KDM4B: variants seen among roughly 807,000 people sequenced by gnomAD.
KDM4B encodes the protein lysine-specific demethylase 4B.
KDM4B carries 32 observed loss-of-function variants against 125.2 expected under a neutral mutation model. The ratio of observed to expected loss-of-function variants is 0.26; its 90% CI spans 0.19 to 0.34. The LOEUF is 0.34. Among genes scored for constraint, KDM4B ranks in the 10% least tolerant of loss-of-function variants. KDM4B has a pLI of 1.00. For synonymous variants in KDM4B, 721 were observed against 677.9 expected (o/e 1.06, Z -0.99); for missense variants, 1,190 against 1,577.7 (o/e 0.75, Z 4.16).
At chr19:4,983,002 T>TGAA (rs2034698353) in intron 1 of KDM4B, among the ~76,000 whole-genome samples, 1 of 152,136 alleles carries the variant, frequency 6.6e-6, no homozygotes, top group Non-Finnish European at 1.5e-5. Flanking sequence ...AGTTAAAAGG[T>TGAA]GAAGAGAAAT....
In KDM4B at chr19:5,041,230, C is replaced by T. The variant is rs745823930; in HGVS notation, c.411C>T (p.Ile137=). The part of the protein sequence containing the change: ...TFVSPIYGAD[I]SGSLYDDDVA... ...TCTCCCCGATCTACGGGGCTGACAT[C>T]AGCGGCTCTTTGTATGATGACGTAA... The change falls in exon 5 of 23, where the codon ATC becomes ATT. Residue 137 remains isoleucine, a synonymous_variant. Transcript: ENST00000159111. The T allele has an allele frequency of 1.2e-6, 2 of 1,612,796 alleles. No homozygotes were observed. The highest frequency in any genetic ancestry group is 2.2e-5 in the East Asian group (1 of 44,844).
At chr19:5,024,567 C>T (rs1412658787) in intron 2 of KDM4B, among the ~76,000 whole-genome samples, 1 of 152,026 alleles carries the variant, frequency 6.6e-6, no homozygotes, top group Admixed American at 6.6e-5. Context: ...GCTGCTGGTC[C>T]CATGTCATGG....
intron 1 of KDM4B, among the ~76,000 whole-genome samples, chr19:5,011,819 T>C (rs1041916166): frequency 2.0e-5 from 3 of 152,082 alleles, no homozygotes; most frequent in African/African-American, 7.2e-5. Context: ...GTACCTCCTT[T>C]TGGGGGGTTC....
intron 9 of KDM4B, among the ~76,000 whole-genome samples, chr19:5,086,458 C>T (rs2038500794): frequency 6.6e-6 from 1 of 152,216 alleles, no homozygotes; most frequent in Non-Finnish European, 1.5e-5. Context: ...ATCTCACCCA[C>T]AAATGAGCAG....
At chr19:5,058,705 G>GACCAA (rs2037487453) in intron 6 of KDM4B, among the ~76,000 whole-genome samples, 1 of 152,234 alleles carries the variant, frequency 6.6e-6, no homozygotes, top group Non-Finnish European at 1.5e-5. Flanking sequence ...GGCTTGGTCT[G>GACCAA]GCAGGAGCAG....
At chr19:5,126,543 G>T (rs2620845) in intron 11 of KDM4B, among the ~76,000 whole-genome samples, 1 of 152,180 alleles carries the variant, frequency 6.6e-6, no homozygotes, top group African/African-American at 2.4e-5. Context: ...GCGGTGAGTG[G>T]GGCAGCCAGC....
At chr19:5,061,278 AG>A (rs2037588680) in intron 6 of KDM4B, among the ~76,000 whole-genome samples, 1 of 152,220 alleles carries the variant, frequency 6.6e-6, no homozygotes. Context: ...CGAGGCTCCC[AG>A]GACTCTGCTG....
At chr19:5,020,622 G>A (rs566623402) in intron 2 of KDM4B, among the ~76,000 whole-genome samples, 3 of 152,308 alleles carry the variant, frequency 2.0e-5, no homozygotes, top group South Asian at 2.1e-4. Context: ...GGCGCTGGGG[G>A]AAGGGGGTCC....
intron 5 of KDM4B, 101 bp from the exon 6 acceptor site, chr19:5,047,375 C>G (rs1242642356): frequency 5.3e-6 from 6 of 1,122,324 alleles, no homozygotes; most frequent in Non-Finnish European, 7.6e-6. Flanking sequence ...GGAGGATGGG[C>G]AGCGACCCCT....
At chr19:4,975,095 G>T (rs190532510) in intron 1 of KDM4B, among the ~76,000 whole-genome samples, 1 of 152,202 alleles carries the variant, frequency 6.6e-6, no homozygotes, top group East Asian at 1.9e-4. Context: ...CATGTCACAC[G>T]ATCAGAGCTG....
Position 5,002,453 on chromosome 19 carries a change from CTCCTTTCCTT to C in KDM4B, c.-108-13788_-108-13779del, listed in dbSNP as rs368377983. On this transcript the variant is annotated intron_variant, in intron 1 of 22. Coordinates refer to ENST00000159111, the MANE Select transcript of KDM4B (RefSeq NM_015015.3). ...TCTCTACTTTCTCTCCCCTTTCTCT[CTCCTTTCCTT>C]TCCTTTCCTTTCCTTCTTTCTTTCC... 6.7e-3 allele frequency among the ~76,000 whole-genome samples: 1,018 copies of C among 150,878 alleles called. 10 individuals carry two copies. Among genetic ancestry groups the C allele is most frequent in the African/African-American group, 0.019 (763 of 41,008 alleles).
In KDM4B at chr19:5,041,022, G is replaced by A. The variant is rs983403812; in HGVS notation, c.318-115G>A. On this transcript the variant is annotated intron_variant, in intron 4 of 22. Transcript: ENST00000159111. ...ACCCTAGGCGGGGCAGCGGGCAGTCGGAGCAGAGCCCCTCCCGCCTCTTTC... is the reference window on the plus strand; with the variant it reads ...ACCCTAGGCGGGGCAGCGGGCAGTCAGAGCAGAGCCCCTCCCGCCTCTTTC... 2.5e-5 allele frequency: 16 copies of A among 631,714 alleles called. No homozygotes were observed. In the Middle Eastern group the frequency reaches 1.1e-3, roughly 43 times the overall value. The allele number at this position is 631,714 out of a possible 1,614,324, so 39.1% of individuals were successfully genotyped here.
intron 9 of KDM4B, among the ~76,000 whole-genome samples, chr19:5,083,282 C>G (rs1599579838): frequency 6.6e-6 from 1 of 152,210 alleles, no homozygotes; most frequent in East Asian, 1.9e-4. Flanking sequence ...AGGAAGCCCA[C>G]AAGAGCTGCT....
intron 21 of KDM4B, among the ~76,000 whole-genome samples, chr19:5,146,765 C>A (rs1172192942): frequency 9.5e-5 from 13 of 136,920 alleles, no homozygotes; most frequent in South Asian, 2.6e-4. Context: ...CCCCCCCCCC[C>A]ACAATCTCTA....
chr19:5,059,505 G>A (rs576943898), intron 6 of KDM4B, among the ~76,000 whole-genome samples: 44 of 152,316 alleles, frequency 2.9e-4, no homozygotes, highest in African/African-American at 1.0e-3. Context: ...CCGGGTCCCC[G>A]AGGCCCAGGG....
At chr19:5,077,493 C>A in intron 8 of KDM4B, 23 bp downstream of exon 8, 1 of 1,599,252 alleles carries the variant, frequency 6.3e-7, no homozygotes, top group Non-Finnish European at 8.6e-7. Flanking sequence ...GGGGCCTGCA[C>A]GCCTGTGGGT....
chr19:5,049,407 G>A (rs2145716823), intron 6 of KDM4B, among the ~76,000 whole-genome samples: 1 of 152,094 alleles, frequency 6.6e-6, no homozygotes, highest in East Asian at 1.9e-4. Flanking sequence ...GCGGGGCAGC[G>A]TTGAGTAGGC....
chr19:5,149,060 C>G (rs1325093922), intron 21 of KDM4B, among the ~76,000 whole-genome samples: 1 of 152,230 alleles, frequency 6.6e-6, no homozygotes, highest in African/African-American at 2.4e-5. Context: ...ATGTGGAACC[C>G]ACAGCAGACA....
chr19:5,090,170 G>T (rs7246420), intron 9 of KDM4B, among the ~76,000 whole-genome samples: 2 of 152,106 alleles, frequency 1.3e-5, no homozygotes, highest in Non-Finnish European at 2.9e-5. Context: ...TGCAGGGGAG[G>T]GGTCCTAGCC....
Sources: allele counts gnomAD v4.1 joint callset (sites outside exome capture counted in the v4.1 genomes callset), GRCh38; gene constraint gnomAD v4.1.1; transcripts MANE v1.5; gene names NCBI Gene and HGNC (gene_info 2026-07-23, HGNC 2026-07-21).